The following MAPK4 variants were observed in gnomAD, a reference collection of about 807,000 sequenced individuals.
MAPK4 encodes the protein mitogen-activated protein kinase 4.
MAPK4 carries 22 observed loss-of-function variants against 47.7 expected under a neutral mutation model. The ratio of observed to expected loss-of-function variants is 0.46; its 90% CI spans 0.33 to 0.66. The LOEUF is 0.66. Among genes scored for constraint, MAPK4 ranks in the 30% least tolerant of loss-of-function variants. The pLI is 0.02. For synonymous variants in MAPK4, 390 were observed against 365.7 expected, an observed-to-expected ratio of 1.07 and a Z score of -0.76; for missense variants, 736 against 831.7, an observed-to-expected ratio of 0.88 and a Z score of 1.42.
intron 2 of MAPK4, among the ~76,000 whole-genome samples, chr18:50,692,583 A>C (rs1254454078): frequency 6.6e-6 from 1 of 152,180 alleles, no homozygotes; most frequent in Non-Finnish European, 1.5e-5. Flanking sequence ...TCTAAGGACT[A>C]AATGAGATAA....
At chr18:50,666,654 G>A (rs1048947151) in intron 2 of MAPK4, among the ~76,000 whole-genome samples, 5 of 152,078 alleles carry the variant, frequency 3.3e-5, no homozygotes, top group African/African-American at 1.2e-4. Flanking sequence ...GTTCTGACTT[G>A]CTCTTATCGG....
intron 2 of MAPK4, among the ~76,000 whole-genome samples, chr18:50,700,023 G>T (rs1256628738): frequency 6.6e-6 from 1 of 152,116 alleles, no homozygotes; most frequent in Non-Finnish European, 1.5e-5. Flanking sequence ...TAGGAGTTAG[G>T]TTCATGACCT....
chr18:50,700,734 G>A (rs982625583), intron 2 of MAPK4, among the ~76,000 whole-genome samples: 2 of 152,120 alleles, frequency 1.3e-5, no homozygotes, highest in African/African-American at 4.8e-5. Context: ...AACCCTCTCG[G>A]GTGCATTGCT....
intron 1 of MAPK4, among the ~76,000 whole-genome samples, chr18:50,626,276 A>T (rs916443333): frequency 1.3e-5 from 2 of 152,252 alleles, no homozygotes; most frequent in African/African-American, 4.8e-5. Flanking sequence ...CCAAGTTGAC[A>T]TAAAATTAAC....
intron 1 of MAPK4, among the ~76,000 whole-genome samples, chr18:50,603,173 A>T (rs534763772): frequency 6.6e-6 from 1 of 152,250 alleles, no homozygotes; most frequent in African/African-American, 2.4e-5. Context: ...CCCATGGGCC[A>T]TGACCACTGG....
At chr18:50,616,525 T>C (rs1215823240) in intron 1 of MAPK4, among the ~76,000 whole-genome samples, 1 of 152,172 alleles carries the variant, frequency 6.6e-6, no homozygotes, top group Non-Finnish European at 1.5e-5. Context: ...GAGTATTGAC[T>C]CACACGATCA....
intron 1 of MAPK4, among the ~76,000 whole-genome samples, chr18:50,589,370 G>A (rs2149366566): frequency 6.6e-6 from 1 of 152,326 alleles, no homozygotes; most frequent in African/African-American, 2.4e-5. Flanking sequence ...GCCGAGGCGG[G>A]CGGATCACGA....
At chr18:50,574,086 A>G (rs2042273954) in intron 1 of MAPK4, among the ~76,000 whole-genome samples, 1 of 152,102 alleles carries the variant, frequency 6.6e-6, no homozygotes, top group South Asian at 2.1e-4. Context: ...TATTCTAGAC[A>G]TTCTTTTTTT....
At chr18:50,721,101 C>A (rs1327381189) in intron 3 of MAPK4, among the ~76,000 whole-genome samples, 3 of 152,166 alleles carry the variant, frequency 2.0e-5, no homozygotes, top group Non-Finnish European at 4.4e-5. Flanking sequence ...AATGGAAGTA[C>A]AGAAGAACAG....
chr18:50,673,043 G>A (rs1027893305), intron 2 of MAPK4, among the ~76,000 whole-genome samples: 3 of 152,158 alleles, frequency 2.0e-5, no homozygotes, highest in African/African-American at 7.2e-5. Flanking sequence ...TTGGGAGGCC[G>A]AGGCAGGTGG....
At chr18:50,702,320 G>A (rs1909836049) in intron 2 of MAPK4, among the ~76,000 whole-genome samples, 1 of 152,106 alleles carries the variant, frequency 6.6e-6, no homozygotes, top group Non-Finnish European at 1.5e-5. Flanking sequence ...TCAGGAGCCT[G>A]AGGTCGGAGG....
chr18:50,588,076 G>A (rs1312750753), intron 1 of MAPK4, among the ~76,000 whole-genome samples: 11 of 151,834 alleles, frequency 7.2e-5, no homozygotes, highest in African/African-American at 9.7e-5. Flanking sequence ...CTTTTTTGTC[G>A]TGGTAGAACG....
chr18:50,612,976 G>T (rs549334850), intron 1 of MAPK4, among the ~76,000 whole-genome samples: 8 of 152,116 alleles, frequency 5.3e-5, no homozygotes, highest in African/African-American at 1.9e-4. Context: ...TCTGAAAATC[G>T]TGTCTGCCAA....
At chr18:50,699,280 C>T (rs1909661222) in intron 2 of MAPK4, among the ~76,000 whole-genome samples, 4 of 152,208 alleles carry the variant, frequency 2.6e-5, no homozygotes, top group South Asian at 2.1e-4. Context: ...AAACCTTCTG[C>T]CGTATTATGT....
chr18:50,727,227 T>A (rs1056445943), intron 5 of MAPK4, among the ~76,000 whole-genome samples: 2 of 152,098 alleles, frequency 1.3e-5, no homozygotes, highest in Admixed American at 6.6e-5. Context: ...TGGGAGGGAG[T>A]GCTGGTAGCT....
intron 3 of MAPK4, among the ~76,000 whole-genome samples, chr18:50,716,929 G>T (rs1325582031): frequency 6.6e-6 from 1 of 152,088 alleles, no homozygotes; most frequent in African/African-American, 2.4e-5. Context: ...TATTAACAAA[G>T]CAGCCCTCCT....
intron 1 of MAPK4, among the ~76,000 whole-genome samples, chr18:50,595,657 G>C (rs2042475440): frequency 6.6e-6 from 1 of 152,172 alleles, no homozygotes; most frequent in Admixed American, 6.5e-5. Context: ...TCATTAAATT[G>C]AACACTTAAG....
chr18:50,707,757 A>C (rs1045361020), intron 2 of MAPK4, among the ~76,000 whole-genome samples: 24 of 152,134 alleles, frequency 1.6e-4, no homozygotes, highest in Non-Finnish European at 1.2e-4. Flanking sequence ...AAGTCAAAGA[A>C]AGTGACCACA....
chr18:50,729,161 C>T lies in MAPK4; in HGVS notation c.1071C>T (p.Tyr357=). ...LSNWDTCSSR[Y]PVSLSSDLEW... is the part of the protein sequence containing the mutation. ...CGCTCTGTTTGTACCCTTGCAGGTA[C>T]CCTGTGAGCCTGTCGTCGGACCTGG... Residue 357 remains tyrosine (Y), a synonymous_variant, in exon 6 of 6, where the codon TAC becomes TAT. Transcript: ENST00000400384. 1 of 1,572,068 alleles carries T rather than the reference C, an allele frequency of 6.4e-7. No homozygotes were observed. The highest frequency in any genetic ancestry group is 1.2e-5 in the South Asian group (1 of 86,830).
Sources: allele counts gnomAD v4.1 joint callset (sites outside exome capture counted in the v4.1 genomes callset), GRCh38; gene constraint gnomAD v4.1.1; transcripts MANE v1.5; gene names NCBI Gene and HGNC (gene_info 2026-07-23, HGNC 2026-07-21).